DGKH: variants seen among roughly 807,000 people sequenced by gnomAD.
DGKH encodes the protein diacylglycerol kinase eta.
A neutral mutation model predicts 159.3 loss-of-function variants in DGKH; 90 were observed. That is an observed-to-expected ratio of 0.57 (90% CI 0.48 to 0.67). The LOEUF (loss-of-function observed/expected upper bound fraction) is 0.67. DGKH is among the 30% of genes least tolerant of loss of function. The pLI is 0.00. For missense variants in DGKH, 1,181 were observed against 1,506.1 expected, an observed-to-expected ratio of 0.78 and a Z score of 3.57; for synonymous variants, 536 against 553.8, an observed-to-expected ratio of 0.97 and a Z score of 0.45.
chr13:42,066,002 A>G (rs1406373627), intron 1 of DGKH: 2 of 152,198 alleles, frequency 1.3e-5, no homozygotes, highest in African/African-American at 4.8e-5. Flanking sequence ...GGTTCAAGCA[A>G]TTCTCCTGCC....
In DGKH at chr13:42,190,405, A is replaced by T. The variant is rs1490956290; in HGVS notation, c.1915A>T (p.Met639Leu). 1.2e-6 allele frequency: 2 copies of T among 1,605,802 alleles called. No homozygotes were observed. Among genetic ancestry groups the T allele is most frequent in the South Asian group, 1.1e-5 (1 of 88,718 alleles). Residue 639 changes from methionine (M) to leucine (L), a missense_variant and splice_region_variant, in exon 16 of 30, where the codon ATG (methionine) becomes TTG (leucine). Physicochemically the swap from Met to Leu is conservative, Grantham distance 15. This residue lies in a region of DGKH where 257 missense variants were observed against 281.5 expected (regional missense o/e 0.91). Coordinates refer to ENST00000337343, the MANE Select transcript of DGKH (RefSeq NM_178009.5). ...ATTTGTCTTCTTACTACCTGAAGTTATGGATGACCCGACAGTTCACCCCTG... is the reference window on the plus strand; with the variant it reads ...ATTTGTCTTCTTACTACCTGAAGTTTTGGATGACCCGACAGTTCACCCCTG... ...RQVIEEAGKVMDDPTVHPCEP... is the reference protein window; with the variant it reads ...RQVIEEAGKVLDDPTVHPCEP...
At chr13:42,218,973 T>C (rs902414182) in intron 26 of DGKH, among the ~76,000 whole-genome samples, 1 of 152,124 alleles carries the variant, frequency 6.6e-6, no homozygotes, top group African/African-American at 2.4e-5. Flanking sequence ...AAATAATACT[T>C]TTTCTATGAA....
chr13:42,216,257 CT>C (rs1165669287), intron 26 of DGKH, among the ~76,000 whole-genome samples: 2 of 152,214 alleles, frequency 1.3e-5, no homozygotes, highest in Non-Finnish European at 2.9e-5. Flanking sequence ...GTTAGCCTTT[CT>C]TTATAAATAC....
chr13:42,126,218 CGT>C (rs1955168655), intron 1 of DGKH, among the ~76,000 whole-genome samples: 1 of 152,038 alleles, frequency 6.6e-6, no homozygotes, highest in African/African-American at 2.4e-5. Context: ...GCACAATAAA[CGT>C]AGTAAATTAC....
chr13:42,195,989 G>A (rs1261696725), intron 17 of DGKH: 4 of 152,100 alleles, frequency 2.6e-5, no homozygotes, highest in African/African-American at 9.7e-5. Context: ...AATGAGAAAG[G>A]AATCTAAATA....
chr13:42,174,393 C>G (rs1487347164), intron 12 of DGKH, among the ~76,000 whole-genome samples: 2 of 152,108 alleles, frequency 1.3e-5, no homozygotes, highest in Non-Finnish European at 2.9e-5. Context: ...CTTCCTGGGA[C>G]TCTTCATGTG....
chr13:42,190,329 T>A lies in DGKH; in HGVS notation c.1913-74T>A. The stretch of plus-strand genomic sequence containing the variant: ...GTTTGGCATATGTTTCAATTTGCCT[T>A]TCCTGAGCATATCTTAATATTAATG... On this transcript the variant is annotated intron_variant, in intron 15 of 29. Transcript: ENST00000337343. 7 of 1,534,388 alleles carry A rather than the reference T, an allele frequency of 4.6e-6. No individual in the cohort carries two copies. The South Asian group carries it at 9.0e-5, about 20-fold the overall frequency.
chr13:42,062,447 T>A (rs1334559731), intron 1 of DGKH, among the ~76,000 whole-genome samples: 2 of 152,130 alleles, frequency 1.3e-5, no homozygotes, highest in Non-Finnish European at 2.9e-5. Context: ...CAGCTAGAGA[T>A]GAGTTGTAAA....
chr13:42,152,263 T>C lies in DGKH; in HGVS notation c.385-3028T>C, dbSNP rs1277467460. ...CAATGGCAATAGGAAACTAGTACAATGTGGATTGACTAAACATTAATAACT... is the reference window on the plus strand; with the variant it reads ...CAATGGCAATAGGAAACTAGTACAACGTGGATTGACTAAACATTAATAACT... On this transcript the variant is annotated intron_variant, in intron 3 of 29. Coordinates refer to ENST00000337343, the MANE Select transcript of DGKH (RefSeq NM_178009.5). Among the ~76,000 whole-genome samples, 5 of 152,252 alleles carry C rather than the reference T, an allele frequency of 3.3e-5. 1 individual carries two copies. The highest frequency in any genetic ancestry group is 3.3e-4 in the Admixed American group (5 of 15,276).
At chr13:42,139,506 C>T (rs1955485440) in intron 3 of DGKH, among the ~76,000 whole-genome samples, 1 of 152,162 alleles carries the variant, frequency 6.6e-6, no homozygotes, top group African/African-American at 2.4e-5. Context: ...TTTGCTGTGC[C>T]TGGTGTTACC....
In DGKH at chr13:42,235,410, C is replaced by G. The variant is rs889441190; in HGVS notation, c.*6222C>G. On this transcript the variant is annotated 3_prime_UTR_variant, in exon 30 of 30. Coordinates refer to ENST00000337343, the MANE Select transcript of DGKH (RefSeq NM_178009.5). ...TAGTCTGGGTATTTCATAGGAACTGCATTTCAAAAGTGAATTAACCAAACC... is the reference window on the plus strand; with the variant it reads ...TAGTCTGGGTATTTCATAGGAACTGGATTTCAAAAGTGAATTAACCAAACC... The G allele has an allele frequency of 3.9e-5, 6 of 152,004 alleles. No homozygotes were observed. Among genetic ancestry groups the G allele is most frequent in the African/African-American group, 1.2e-4 (5 of 41,396 alleles). The allele number at this position is 152,004 out of a possible 1,614,324, so 9.4% of individuals were successfully genotyped here. A position where few individuals can be genotyped will look rare whatever the true frequency, so the allele number is the denominator to read the frequency against.
chr13:42,247,849 T>TCAAG (rs1555284267), downstream of DGKH, among the ~76,000 whole-genome samples: 1 of 152,086 alleles, frequency 6.6e-6, no homozygotes, highest in African/African-American at 2.4e-5. Flanking sequence ...ATTAAGGATA[T>TCAAG]AAAGAAAAAG....
At chr13:42,126,497 G>A (rs1041767492) in intron 1 of DGKH, among the ~76,000 whole-genome samples, 30 of 152,270 alleles carry the variant, frequency 2.0e-4, no homozygotes, top group African/African-American at 7.0e-4. Context: ...AATCAAGAGA[G>A]GGAAACGCTA....
intron 1 of DGKH, among the ~76,000 whole-genome samples, chr13:42,106,468 C>T (rs1267366940): frequency 6.6e-6 from 1 of 152,184 alleles, no homozygotes; most frequent in Non-Finnish European, 1.5e-5. Context: ...ATGAGAGTAA[C>T]ATGTGATATG....
chr13:42,179,988 A>C (rs759010074), intron 13 of DGKH, among the ~76,000 whole-genome samples: 1 of 152,226 alleles, frequency 6.6e-6, no homozygotes, highest in Non-Finnish European at 1.5e-5. Context: ...AACACATGAA[A>C]GTAAATATAA....
At position 42,172,257 on chromosome 13, in the gene DGKH, G is replaced by A. The variant is rs190521366; in HGVS notation, c.1368-1803G>A. On this transcript the variant is annotated intron_variant, in intron 11 of 29. Coordinates refer to ENST00000337343, the MANE Select transcript of DGKH (RefSeq NM_178009.5). ...CTCCCAAGTAGTTGGGACTACAGGC[G>A]TGTGCCACCACACCCAGCTGATTTT... Among the ~76,000 whole-genome samples the A allele has an allele frequency of 3.7e-3, 567 of 151,326 alleles. 6 individuals are homozygous for A. Among genetic ancestry groups the A allele is most frequent in the Admixed American group, 0.018 (275 of 15,202 alleles).
chr13:42,089,540 C>T (rs775634382), intron 1 of DGKH, among the ~76,000 whole-genome samples: 1 of 152,146 alleles, frequency 6.6e-6, no homozygotes, highest in Non-Finnish European at 1.5e-5. Context: ...GGAAGAGAAT[C>T]TATTTCTTTG....
chr13:42,247,916 A>G (rs9566948), intron 29 of DGKH, among the ~76,000 whole-genome samples: 57,068 of 152,078 alleles, frequency 0.38, 11,136 homozygotes, highest in East Asian at 0.63. Context: ...AAAGAGTCAA[A>G]AAGTTAAAAG....
intron 3 of DGKH, among the ~76,000 whole-genome samples, chr13:42,147,100 G>A (rs1955754063): frequency 6.6e-6 from 1 of 152,150 alleles, no homozygotes; most frequent in African/African-American, 2.4e-5. Flanking sequence ...CTGGAGAGCT[G>A]TGTGGCCGAA....
Sources: allele counts gnomAD v4.1 joint callset (sites outside exome capture counted in the v4.1 genomes callset), GRCh38; gene constraint gnomAD v4.1.1; regional missense constraint gnomAD v4.1.1; transcripts MANE v1.5; gene names NCBI Gene and HGNC (gene_info 2026-07-23, HGNC 2026-07-21).